The following KRT77 variants were observed in gnomAD, a reference collection of about 807,000 sequenced individuals.
KRT77 encodes keratin, type II cytoskeletal 1b.
KRT77 carries 44 observed loss-of-function variants against 51.5 expected under a neutral mutation model. That is an observed-to-expected ratio of 0.85 (90% CI 0.67 to 1.10). KRT77 has a LOEUF of 1.10. Ranked by LOEUF, KRT77 falls within the 50% of genes least tolerant of loss-of-function variation. The pLI, the probability that KRT77 is intolerant of heterozygous loss-of-function variation, is 0.00. For synonymous variants in KRT77, 293 were observed against 302.0 expected (o/e 0.97, Z 0.31); for missense variants, 763 against 743.9 (o/e 1.03, Z -0.30).
At chr12:52,696,136 C>T (rs996212501) in intron 3 of KRT77, among the ~76,000 whole-genome samples, 1 of 152,180 alleles carries the variant, frequency 6.6e-6, no homozygotes, top group African/African-American at 2.4e-5. Flanking sequence ...CACTCAAAAG[C>T]TGTCATTTCA....
rs758621677 is a variant in KRT77 at position 52,691,969 on chromosome 12, C to T, written c.1431G>A (p.Met477Ile). 1 of 1,614,074 alleles carries T rather than the reference C, an allele frequency of 6.2e-7. No individual in the cohort carries two copies. The highest frequency in any genetic ancestry group is 2.2e-5 in the East Asian group (1 of 44,878). ...RQLLEGEESRMSGELQSHVSI... is the reference protein window; with the variant it reads ...RQLLEGEESRISGELQSHVSI... Reference sequence around the variant, plus strand: ...TCACATGGCTCTGCAGCTCTCCTGACATCCTGTAAAACCAAAGCACACGGT... The same window carrying T: ...TCACATGGCTCTGCAGCTCTCCTGATATCCTGTAAAACCAAAGCACACGGT... Residue 477 changes from methionine to isoleucine, a missense_variant, in exon 8 of 9, where the codon ATG becomes ATA. Met to Ile is a conservative substitution (Grantham distance 10, BLOSUM62 1). Coordinates refer to ENST00000341809, the MANE Select transcript of KRT77 (RefSeq NM_175078.3).
chr12:52,693,918 TC>T (rs1941753101), intron 5 of KRT77, among the ~76,000 whole-genome samples: 1 of 151,836 alleles, frequency 6.6e-6, no homozygotes, highest in Admixed American at 6.6e-5. Flanking sequence ...GTGCCTGTAA[TC>T]CCAGCTACTC....
rs752137398 is a variant in KRT77, at chr12:52,691,288, A to G, written c.1614T>C (p.Tyr538=). ...CGCCACCGCCGCCGCAGCCGCTGCC[A>G]TAACCGCCTCCACTCCTGCCTCGTG... The part of the protein sequence containing the change: ...GGARGRSGGG[Y]GSGCGGGGGS... The change falls in exon 9 of 9, where the codon TAT becomes TAC. Residue 538 remains tyrosine, a synonymous_variant. Coordinates refer to ENST00000341809, the MANE Select transcript of KRT77 (RefSeq NM_175078.3). 2.5e-6 allele frequency: 4 copies of G among 1,599,554 alleles called. No individual in the cohort carries two copies. The highest frequency in any genetic ancestry group is 1.7e-5 in the Admixed American group (1 of 58,960).
At chr12:52,702,428 T>C (rs953346165) in intron 1 of KRT77, among the ~76,000 whole-genome samples, 10 of 151,972 alleles carry the variant, frequency 6.6e-5, no homozygotes, top group Admixed American at 4.6e-4. Context: ...CATGTGTGTG[T>C]GTGTGTGTAT....
rs557324994 is a variant in KRT77, at chr12:52,691,991, C to T, written c.1428-19G>A. ...TGACATCCTGTAAAACCAAAGCACACGGTCAGCCAGACCCACAGGGCCTGA... is the reference window on the plus strand; with the variant it reads ...TGACATCCTGTAAAACCAAAGCACATGGTCAGCCAGACCCACAGGGCCTGA... On this transcript the variant is annotated intron_variant, in intron 7 of 8. Coordinates refer to ENST00000341809, the MANE Select transcript of KRT77 (RefSeq NM_175078.3). The T allele has an allele frequency of 8.7e-6, 14 of 1,613,610 alleles. No homozygotes were observed. The highest frequency in any genetic ancestry group is 1.2e-5 in the Non-Finnish European group (14 of 1,179,952).
intron 1 of KRT77, 117 bp from the exon 2 acceptor site, chr12:52,698,013 C>T (rs955156654): frequency 3.1e-5 from 44 of 1,423,448 alleles, no homozygotes; most frequent in Non-Finnish European, 4.0e-5. Flanking sequence ...GATGGCTCCT[C>T]CAAGGGTCAG....
intron 2 of KRT77, among the ~76,000 whole-genome samples, chr12:52,697,435 G>T (rs1385770859): frequency 6.6e-6 from 1 of 152,198 alleles, no homozygotes; most frequent in African/African-American, 2.4e-5. Flanking sequence ...TGGAAATCAG[G>T]CTTACTTGGT....
At chr12:52,700,123 C>T (rs1042521261) in intron 1 of KRT77, among the ~76,000 whole-genome samples, 2 of 152,198 alleles carry the variant, frequency 1.3e-5, no homozygotes, top group African/African-American at 2.4e-5. Context: ...GCTCCATTTC[C>T]ACTCTCTGAG....
chr12:52,694,760 C>T lies in KRT77; in HGVS notation c.946G>A (p.Asp316Asn), dbSNP rs201797687. The change falls in exon 5 of 9, where the codon GAC becomes AAC. Residue 316 changes from aspartate to asparagine, a missense_variant. By Grantham distance (23) the Asp-to-Asn change is conservative (BLOSUM62 1). Transcript: ENST00000341809. The part of the protein sequence containing the change: ...ELSQVQTHIS[D>N]TNVILSMDNN... Reference sequence around the variant, plus strand: ...TCCATGGACAGGATGACGTTGGTGTCGCTGATGTGAGTCTGCACCTGAGAC... The same window carrying T: ...TCCATGGACAGGATGACGTTGGTGTTGCTGATGTGAGTCTGCACCTGAGAC... 6.2e-6 allele frequency: 10 copies of T among 1,610,694 alleles called. No homozygotes were observed. The highest frequency in any genetic ancestry group is 2.2e-5 in the East Asian group (1 of 44,756).
intron 5 of KRT77, among the ~76,000 whole-genome samples, chr12:52,694,398 A>G (rs1941761119): frequency 6.6e-6 from 1 of 152,196 alleles, no homozygotes; most frequent in South Asian, 2.1e-4. Context: ...TAATGGCGAG[A>G]ACCGCAATCA....
intron 4 of KRT77, 116 bp from the exon 5 acceptor site, chr12:52,694,906 T>G: frequency 1.1e-6 from 1 of 886,546 alleles, no homozygotes; most frequent in East Asian, 2.6e-5. Context: ...CAGGTAGTCT[T>G]GGGAAAAGCT....
chr12:52,699,040 T>C (rs879563047), intron 1 of KRT77, among the ~76,000 whole-genome samples: 5 of 152,068 alleles, frequency 3.3e-5, no homozygotes, highest in Non-Finnish European at 7.4e-5. Flanking sequence ...GGCTGGAAAA[T>C]GTTTGCAGAC....
intron 7 of KRT77, 27 bp downstream of exon 7, chr12:52,692,394 C>G: frequency 6.2e-7 from 1 of 1,611,792 alleles, no homozygotes; most frequent in Non-Finnish European, 8.5e-7. Flanking sequence ...CAAGCCTTAG[C>G]CCCAGAAACA....
chr12:52,696,462 C>T (rs1361328537), intron 2 of KRT77, 32 bp from the exon 3 acceptor site: 1 of 1,602,450 alleles, frequency 6.2e-7, no homozygotes, highest in African/African-American at 1.3e-5. Context: ...CACAGAAAGG[C>T]TGCAGGCTGA....
In KRT77 at chr12:52,691,991, C is replaced by G. The variant is rs557324994; in HGVS notation, c.1428-19G>C. On this transcript the variant is annotated intron_variant, in intron 7 of 8. Transcript: ENST00000341809. ...TGACATCCTGTAAAACCAAAGCACACGGTCAGCCAGACCCACAGGGCCTGA... is the reference window on the plus strand; with the variant it reads ...TGACATCCTGTAAAACCAAAGCACAGGGTCAGCCAGACCCACAGGGCCTGA... 1 of 1,613,730 alleles carries G rather than the reference C, an allele frequency of 6.2e-7. No individual in the cohort carries two copies. The highest frequency in any genetic ancestry group is 1.1e-5 in the South Asian group (1 of 91,076).
intron 1 of KRT77, among the ~76,000 whole-genome samples, chr12:52,700,731 A>G (rs1941875820): frequency 6.6e-6 from 1 of 152,164 alleles, no homozygotes; most frequent in South Asian, 2.1e-4. Flanking sequence ...TGGGCTTAGC[A>G]GCAGCTGCGG....
rs1941695768 is a variant in KRT77, at chr12:52,691,047, A to G, written c.*118T>C. On this transcript the variant is annotated 3_prime_UTR_variant, in exon 9 of 9. Transcript: ENST00000341809. ...CCCATTAGAGTCGAATTTATTGGCA[A>G]AATTGCTGAGACCCATTAAGAAAAG... is the stretch of plus-strand genomic sequence containing the variant. 7.4e-6 allele frequency: 11 copies of G among 1,477,108 alleles called. No individual in the cohort carries two copies. The East Asian group carries it at 2.3e-4, about 31-fold the overall frequency. 91.5% of individuals were successfully genotyped at this position (1,477,108 alleles called of 1,614,324 possible).
At position 52,692,657 on chromosome 12, in the gene KRT77, T is replaced by G; in HGVS notation, c.1207-16A>C. 6.4e-7 allele frequency: 1 copy of G among 1,572,942 alleles called. No individual in the cohort carries two copies. Among genetic ancestry groups the G allele is most frequent in the East Asian group, 2.2e-5 (1 of 44,724 alleles). On this transcript the variant is annotated splice_polypyrimidine_tract_variant and intron_variant, in intron 6 of 8. Coordinates refer to ENST00000341809, the MANE Select transcript of KRT77 (RefSeq NM_175078.3). The stretch of plus-strand genomic sequence containing the variant: ...TCTGTTCAATCTGCTCCAGAGACAG[T>G]TGGAGACCATTTAATGGTTAAGTTT...
At position 52,696,410 on chromosome 12, in the gene KRT77, T is replaced by C. The variant is rs1941795824; in HGVS notation, c.779A>G (p.Lys260Arg). 4 of 1,614,112 alleles carry C rather than the reference T, an allele frequency of 2.5e-6. No individual in the cohort carries two copies. The highest frequency in any genetic ancestry group is 1.7e-5 in the Admixed American group (1 of 60,006). ...AAAGTCATTCTCGCTGCCAGTCCTC[T>C]TGTTGATTTCATCCTCATACCTGTC... is the stretch of plus-strand genomic sequence containing the variant. ...YKSKYEDEIN[K>R]RTGSENDFVV... is the part of the protein sequence containing the mutation. Residue 260 changes from lysine (K) to arginine (R), a missense_variant, in exon 3 of 9, where the codon AAG becomes AGG. By Grantham distance (26) the Lys-to-Arg change is conservative. Coordinates refer to ENST00000341809, the MANE Select transcript of KRT77 (RefSeq NM_175078.3).
Sources: gnomAD v4.1 joint callset for allele counts (sites outside exome capture counted in the v4.1 genomes callset) on GRCh38, gnomAD v4.1.1 for gene constraint, MANE v1.5 for transcripts, NCBI Gene and HGNC (gene_info 2026-07-23, HGNC 2026-07-21) for gene names.